The following DDAH1 variants were observed in gnomAD, a reference collection of about 807,000 sequenced individuals.
DDAH1 encodes the protein dimethylarginine dimethylaminohydrolase 1.
Under a neutral mutation model 28.8 loss-of-function variants are expected in DDAH1, and 19 were observed. The observed-to-expected ratio is 0.66, with a 90% CI of 0.46 to 0.97. The LOEUF (loss-of-function observed/expected upper bound fraction) is 0.97. Among genes scored for constraint, DDAH1 ranks in the 50% least tolerant of loss-of-function variants. DDAH1 has a pLI of 0.00. For synonymous variants in DDAH1, 153 were observed against 154.4 expected, an observed-to-expected ratio of 0.99 and a Z score of 0.07; for missense variants, 326 against 375.9, an observed-to-expected ratio of 0.87 and a Z score of 1.10.
intron 1 of DDAH1, among the ~76,000 whole-genome samples, chr1:85,445,467 G>A (rs1360288444): frequency 2.0e-5 from 3 of 152,252 alleles, no homozygotes; most frequent in South Asian, 2.1e-4. Flanking sequence ...GAATCTGCAC[G>A]CCAGACTATA....
At chr1:85,460,901 G>C (rs530703586) in intron 1 of DDAH1, among the ~76,000 whole-genome samples, 2 of 152,272 alleles carry the variant, frequency 1.3e-5, no homozygotes, top group African/African-American at 4.8e-5. Context: ...CTCACACCCT[G>C]TTATTTCTCC....
intron 1 of DDAH1, among the ~76,000 whole-genome samples, chr1:85,448,789 A>G (rs532382370): frequency 6.6e-6 from 1 of 152,226 alleles, no homozygotes; most frequent in Non-Finnish European, 1.5e-5. Flanking sequence ...AGAAAATCAC[A>G]TTTTAATCTG....
intron 2 of DDAH1, among the ~76,000 whole-genome samples, 153 bp from the exon 3 acceptor site, chr1:85,351,732 A>C (rs1162246357): frequency 6.6e-6 from 1 of 152,172 alleles, no homozygotes; most frequent in African/African-American, 2.4e-5. Context: ...ATGATTTCAA[A>C]CTACTGCCCT....
chr1:85,480,470 T>G (rs1005545046), intron 2 of DDAH1, among the ~76,000 whole-genome samples: 6 of 152,124 alleles, frequency 3.9e-5, no homozygotes, highest in African/African-American at 7.2e-5. Flanking sequence ...AACAGGCAGG[T>G]GCGGTGGCTC....
chr1:85,334,459 T>C (rs1158301464), intron 4 of DDAH1, among the ~76,000 whole-genome samples: 1 of 152,230 alleles, frequency 6.6e-6, no homozygotes, highest in African/African-American at 2.4e-5. Context: ...CCAAATCTCA[T>C]GTTGAATTGT....
intron 1 of DDAH1, among the ~76,000 whole-genome samples, chr1:85,549,583 T>A (rs1658725268): frequency 3.3e-5 from 5 of 152,262 alleles, no homozygotes. Flanking sequence ...TTTCTCCTGC[T>A]TTCTGTTAAG....
chr1:85,332,038 T>G (rs947011838), intron 4 of DDAH1, among the ~76,000 whole-genome samples: 1 of 151,704 alleles, frequency 6.6e-6, no homozygotes, highest in Non-Finnish European at 1.5e-5. Context: ...GTCATAAGAG[T>G]CTCTCAAACC....
Position 85,543,020 on chromosome 1 carries a change from T to G in DDAH1, c.-123+34964A>C, listed in dbSNP as rs1371724917. ...CATAGCCAGAAAGTGGAATCCAAAG[T>G]CTGTTTTCCTTCAAAGTCAATGCTT... On this transcript the variant is annotated intron_variant, in intron 1 of 6. Transcript: ENST00000426972. Among the ~76,000 whole-genome samples the G allele has an allele frequency of 2.0e-5, 3 of 152,178 alleles. No individual in the cohort carries two copies. The East Asian group carries it at 5.8e-4, about 29-fold the overall frequency.
chr1:85,481,517 G>A (rs1146394), intron 2 of DDAH1, among the ~76,000 whole-genome samples: 56,046 of 152,024 alleles, frequency 0.37, 11,197 homozygotes, highest in South Asian at 0.48. Context: ...AACTACCCAT[G>A]TGAATGATAT....
Position 85,465,019 on chromosome 1 carries a change from G to A in DDAH1, c.27C>T (p.Ala9=). 1 of 1,335,338 alleles carries A rather than the reference G, an allele frequency of 7.5e-7. No homozygotes were observed. Among genetic ancestry groups the A allele is most frequent in the South Asian group, 2.0e-5 (1 of 50,702 alleles). The allele number at this position is 1,335,338 out of a possible 1,614,324, so 82.7% of individuals were successfully genotyped here. Residue 9 remains alanine, a synonymous_variant, in exon 1 of 6, where the codon GCC becomes GCT. Coordinates refer to ENST00000284031, the MANE Select transcript of DDAH1 (RefSeq NM_012137.4). Reference sequence around the variant, plus strand: ...CCACGGCGTGGGTGGCCCGGCCGAAGGCGGCGGGGTGGCCGAGCCCGGCCA... The same window carrying A: ...CCACGGCGTGGGTGGCCCGGCCGAAAGCGGCGGGGTGGCCGAGCCCGGCCA... The part of the protein sequence containing the change: MAGLGHPA[A]FGRATHAVVR...
chr1:85,478,913 T>A (rs768950937), intron 2 of DDAH1, among the ~76,000 whole-genome samples: 49 of 152,330 alleles, frequency 3.2e-4, no homozygotes, highest in Admixed American at 1.0e-3. Context: ...TACATTACTG[T>A]ATAATGCTGT....
chr1:85,326,885 T>C (rs1647439244), intron 4 of DDAH1, among the ~76,000 whole-genome samples: 2 of 152,198 alleles, frequency 1.3e-5, no homozygotes, highest in African/African-American at 4.8e-5. Flanking sequence ...TTAAAGACAC[T>C]CCTAAAGATT....
intron 1 of DDAH1, among the ~76,000 whole-genome samples, chr1:85,571,787 CTTTTTTTTTTTT>C (rs58835610): frequency 3.5e-5 from 3 of 85,382 alleles, no homozygotes; most frequent in South Asian, 9.8e-4. Context: ...TGTTTATAAG[CTTTTTTTTTTTT>C]TTTTTTTTTT....
At chr1:85,426,713 G>A (rs768977087) in intron 1 of DDAH1, among the ~76,000 whole-genome samples, 4 of 151,970 alleles carry the variant, frequency 2.6e-5, no homozygotes, top group Non-Finnish European at 5.9e-5. Flanking sequence ...TTCGAGACCA[G>A]CCTGGGCAAC....
chr1:85,469,136 A>G (rs905433917), upstream of DDAH1, among the ~76,000 whole-genome samples: 1 of 152,246 alleles, frequency 6.6e-6, no homozygotes, highest in Admixed American at 6.5e-5. Context: ...CCACCCAGCT[A>G]CAATAACCAC....
rs1019325316 is a variant in DDAH1, at chr1:85,321,403, T to C, written c.*49A>G. 8.4e-6 allele frequency: 10 copies of C among 1,184,510 alleles called. No homozygotes were observed. Among genetic ancestry groups the C allele is most frequent in the Non-Finnish European group, 1.3e-5 (10 of 789,582 alleles). The allele number at this position is 1,184,510 out of a possible 1,614,324, so 73.4% of individuals were successfully genotyped here. ...AACAACAGGAGTGGGCACAGAGTCA[T>C]CGGCCTTGCCTGTGCGGTCTTGCCG... is the stretch of plus-strand genomic sequence containing the variant. On this transcript the variant is annotated 3_prime_UTR_variant, in exon 6 of 6. Coordinates refer to ENST00000284031, the MANE Select transcript of DDAH1 (RefSeq NM_012137.4).
chr1:85,534,324 T>C (rs2100777232), intron 1 of DDAH1, among the ~76,000 whole-genome samples: 1 of 152,254 alleles, frequency 6.6e-6, no homozygotes, highest in African/African-American at 2.4e-5. Context: ...TAACTTGAAG[T>C]GACCTCACCA....
At chr1:85,468,522 T>C (rs1030820871), upstream of DDAH1, among the ~76,000 whole-genome samples, 88 of 69,920 alleles carry the variant, frequency 1.3e-3, no homozygotes, top group Non-Finnish European at 1.9e-3. Flanking sequence ...GGAACTCTCC[T>C]TTTTTTTTTT....
chr1:85,561,137 A>G (rs1659128713), intron 1 of DDAH1, among the ~76,000 whole-genome samples: 2 of 152,104 alleles, frequency 1.3e-5, no homozygotes, highest in Non-Finnish European at 2.9e-5. Flanking sequence ...TAGCTTGACT[A>G]TTTACCAGAT....
Sources: allele counts gnomAD v4.1 joint callset (sites outside exome capture counted in the v4.1 genomes callset), GRCh38; gene constraint gnomAD v4.1.1; transcripts MANE v1.5; gene names NCBI Gene and HGNC (gene_info 2026-07-23, HGNC 2026-07-21).